The following TASP1 variants were observed in gnomAD, a reference collection of about 807,000 sequenced individuals.
TASP1 encodes the protein threonine aspartase 1.
Under a neutral mutation model 56.6 loss-of-function variants are expected in TASP1, and 16 were observed. That is an observed-to-expected ratio of 0.28 (90% CI 0.19 to 0.43). The LOEUF (loss-of-function observed/expected upper bound fraction) is 0.43, where lower values mean the gene tolerates loss of function less well. Among genes scored for constraint, TASP1 ranks in the 20% least tolerant of loss-of-function variants. TASP1 has a pLI of 1.00. For synonymous variants in TASP1, 179 were observed against 184.2 expected, an observed-to-expected ratio of 0.97 and a Z score of 0.23; for missense variants, 393 against 511.6, an observed-to-expected ratio of 0.77 and a Z score of 2.24.
chr20:13,322,174 C>A, the TASP1 span, among the ~76,000 whole-genome samples: 1 of 152,224 alleles, frequency 6.6e-6, no homozygotes, highest in African/African-American at 2.4e-5. Flanking sequence ...AAGCTGCAAC[C>A]TAGCCTAGAT....
At chr20:13,154,738 C>T in the TASP1 span, among the ~76,000 whole-genome samples, 1 of 152,208 alleles carries the variant, frequency 6.6e-6, no homozygotes, top group Non-Finnish European at 1.5e-5. Context: ...GGGTTGTTTA[C>T]TTGATTGCAA....
intron 11 of TASP1, among the ~76,000 whole-genome samples, chr20:13,457,630 T>C (rs2043894986): frequency 6.6e-6 from 1 of 152,148 alleles, no homozygotes; most frequent in Non-Finnish European, 1.5e-5. Context: ...TCAACTTTTA[T>C]TTTAGATTCA....
chr20:13,539,913 G>A (rs6109936), intron 8 of TASP1, among the ~76,000 whole-genome samples: 3 of 152,064 alleles, frequency 2.0e-5, no homozygotes, highest in African/African-American at 7.2e-5. Flanking sequence ...ACAGTTTGAA[G>A]GGCCTCAGAG....
chr20:13,299,793 G>A, the TASP1 span: 1 of 241,150 alleles, frequency 4.1e-6, no homozygotes, highest in Non-Finnish European at 8.1e-6. The surrounding 1 kb of genome is among the most constrained non-coding windows in gnomAD (Gnocchi z 5.8). Context: ...TCAAAGAGAG[G>A]CAAAGGGGGA....
At chr20:13,277,879 C>A in the TASP1 span, among the ~76,000 whole-genome samples, 18 of 152,116 alleles carry the variant, frequency 1.2e-4, no homozygotes, top group South Asian at 6.2e-4. Flanking sequence ...AACCACAGCC[C>A]GGGCCCATTG....
chr20:13,164,651 C>A, the TASP1 span: 21,607 of 841,880 alleles, frequency 0.026, 333 homozygotes, highest in Middle Eastern at 0.035. Flanking sequence ...AGCTAGCAAA[C>A]TAAGACTGTG....
At chr20:13,494,491 A>C (rs183656895) in intron 10 of TASP1, among the ~76,000 whole-genome samples, 2,553 of 152,296 alleles carry the variant, frequency 0.017, 72 homozygotes, top group African/African-American at 0.056. Context: ...TTTAGGGAGA[A>C]AGGGTCACTG....
At chr20:13,542,119 T>C (rs983444872) in intron 8 of TASP1, among the ~76,000 whole-genome samples, 4 of 151,674 alleles carry the variant, frequency 2.6e-5, no homozygotes, top group African/African-American at 9.7e-5. Flanking sequence ...AAAATCTGGC[T>C]AGATGTTATT....
the TASP1 span, among the ~76,000 whole-genome samples, chr20:13,194,696 T>A: frequency 6.6e-6 from 1 of 152,186 alleles, no homozygotes; most frequent in Non-Finnish European, 1.5e-5. Flanking sequence ...TTAATCTTTT[T>A]CTCATATACA....
chr20:13,530,242 T>G (rs1020703485), intron 9 of TASP1, among the ~76,000 whole-genome samples: 1 of 152,178 alleles, frequency 6.6e-6, no homozygotes, highest in Non-Finnish European at 1.5e-5. Flanking sequence ...TATCTCCAGA[T>G]GTTACAGACA....
At chr20:13,209,381 C>T in the TASP1 span, among the ~76,000 whole-genome samples, 1 of 152,146 alleles carries the variant, frequency 6.6e-6, no homozygotes, top group Non-Finnish European at 1.5e-5. Context: ...TATTTCCTTG[C>T]TCCATAAACT....
the TASP1 span, among the ~76,000 whole-genome samples, chr20:13,298,776 C>T: frequency 6.6e-6 from 1 of 152,094 alleles, no homozygotes; most frequent in South Asian, 2.1e-4. Flanking sequence ...CAGGGGGCTG[C>T]AGGGGTGTCT....
chr20:13,629,862 CTCAGTGT>C, intron 2 of TASP1, 65 bp downstream of exon 2: 2 of 1,594,868 alleles, frequency 1.3e-6, no homozygotes, highest in Non-Finnish European at 1.7e-6. Context: ...AAATGTGATT[CTCAGTGT>C]ACTTCAAGGC....
chr20:13,638,672 G>A (rs929766603), intron 1 of TASP1, among the ~76,000 whole-genome samples: 1 of 152,206 alleles, frequency 6.6e-6, no homozygotes, highest in African/African-American at 2.4e-5. Flanking sequence ...CGGAGATGAG[G>A]CTGGGAAGGG....
chr20:13,537,103 A>G (rs1206543330), intron 8 of TASP1, among the ~76,000 whole-genome samples: 1 of 152,182 alleles, frequency 6.6e-6, no homozygotes. Flanking sequence ...AATGCTATGC[A>G]TTATCTGTAA....
chr20:13,544,139 G>A (rs779762136), intron 8 of TASP1, among the ~76,000 whole-genome samples: 3 of 152,050 alleles, frequency 2.0e-5, no homozygotes, highest in East Asian at 3.8e-4. Flanking sequence ...TAAAACCATC[G>A]AACATTAAGC....
At chr20:13,531,721 T>A (rs764497250) in intron 9 of TASP1, among the ~76,000 whole-genome samples, 1 of 152,122 alleles carries the variant, frequency 6.6e-6, no homozygotes, top group Non-Finnish European at 1.5e-5. Context: ...TGGAGTGCAG[T>A]AGCGAGATCT....
At chr20:13,116,465 TTAATCCATTGAGTC>T in the TASP1 span, among the ~76,000 whole-genome samples, 1 of 152,176 alleles carries the variant, frequency 6.6e-6, no homozygotes, top group Non-Finnish European at 1.5e-5. Context: ...TCAGATTTTT[TTAATCCATTGAGTC>T]CCAGAGGTGC....
chr20:13,292,496 G>T, the TASP1 span: 2 of 1,313,166 alleles, frequency 1.5e-6, no homozygotes, highest in South Asian at 1.3e-5. Context: ...TCCAAATATT[G>T]ACTTAGTGCC....
Sources: gnomAD v4.1 joint callset for allele counts (sites outside exome capture counted in the v4.1 genomes callset) on GRCh38, gnomAD v4.1.1 for gene constraint, Gnocchi (gnomAD v3.1) non-coding constraint, MANE v1.5 for transcripts, NCBI Gene and HGNC (gene_info 2026-07-23, HGNC 2026-07-21) for gene names.